The following PSD3 variants were observed in gnomAD, a reference collection of about 807,000 sequenced individuals.
PSD3 encodes the protein PH and SEC7 domain-containing protein 3.
A neutral mutation model predicts 105.5 loss-of-function variants in PSD3; 49 were observed. The observed-to-expected ratio is 0.46, with a 90% CI of 0.37 to 0.59. The LOEUF (loss-of-function observed/expected upper bound fraction) is 0.59, where lower values mean the gene tolerates loss of function less well. PSD3 is among the 20% of genes least tolerant of loss of function. The probability of loss-of-function intolerance (pLI) is 0.00; values close to 1 mark genes in which losing one functional copy is unlikely to be tolerated. For missense variants in PSD3, 1,561 were observed against 1,263.8 expected, an observed-to-expected ratio of 1.24 and a Z score of -3.57; for synonymous variants, 557 against 457.8, an observed-to-expected ratio of 1.22 and a Z score of -2.77.
chr8:18,877,581 G>A (rs373516456), intron 2 of PSD3, among the ~76,000 whole-genome samples: 110 of 140,662 alleles, frequency 7.8e-4, no homozygotes, highest in African/African-American at 2.8e-3. Flanking sequence ...TCACTCTGTC[G>A]CCCTGGCTGG....
At chr8:18,894,462 G>A (rs1036061121) in intron 2 of PSD3, among the ~76,000 whole-genome samples, 3 of 152,148 alleles carry the variant, frequency 2.0e-5, no homozygotes, top group Non-Finnish European at 4.4e-5. Flanking sequence ...TCCGTTGTGT[G>A]AGAAGGAATC....
chr8:18,750,066 T>C (rs1232962945), intron 9 of PSD3, among the ~76,000 whole-genome samples: 1 of 152,188 alleles, frequency 6.6e-6, no homozygotes, highest in Non-Finnish European at 1.5e-5. Context: ...ATCTGTGTTG[T>C]TTCAAGCCAC....
At position 18,962,731 on chromosome 8, in the gene PSD3, A is replaced by C. The variant is rs193139841; in HGVS notation, c.22-26589T>G. On this transcript the variant is annotated intron_variant, in intron 1 of 15. Coordinates refer to ENST00000327040, the MANE Select transcript of PSD3 (RefSeq NM_015310.4). ...TGTTTTAAATCTTTTTTCTTAAAAAAAGAAAGTCATGCATGACTATATACT... is the reference window on the plus strand; with the variant it reads ...TGTTTTAAATCTTTTTTCTTAAAAACAGAAAGTCATGCATGACTATATACT... Among the ~76,000 whole-genome samples, 4 of 152,362 alleles carry C rather than the reference A, an allele frequency of 2.6e-5. No homozygotes were observed. In the East Asian group the frequency reaches 7.7e-4, roughly 29 times the overall value.
intron 9 of PSD3, among the ~76,000 whole-genome samples, chr8:18,743,835 G>T (rs943398352): frequency 2.0e-5 from 3 of 151,376 alleles, no homozygotes; most frequent in African/African-American, 7.3e-5. Context: ...TGCAGTCCCA[G>T]CTACTTTGAG....
intron 12 of PSD3, among the ~76,000 whole-genome samples, chr8:18,581,695 G>C (rs1802829578): frequency 1.3e-5 from 2 of 152,116 alleles, no homozygotes; most frequent in African/African-American, 2.4e-5. Flanking sequence ...TTTTCACCAG[G>C]TGATTTTAAG....
chr8:18,695,400 A>C (rs1319852474), intron 9 of PSD3, among the ~76,000 whole-genome samples: 1 of 152,236 alleles, frequency 6.6e-6, no homozygotes, highest in Non-Finnish European at 1.5e-5. Context: ...AAACCAAACT[A>C]GGTAGTATAT....
In PSD3 at chr8:18,799,502, A is replaced by G. The variant is rs79606369; in HGVS notation, c.2024-149T>C. Reference sequence around the variant, plus strand: ...CTGTTTTAAGAAACAAAAAATGGATAAGAATAATTTATAGAAAGAACCTCA... The same window carrying G: ...CTGTTTTAAGAAACAAAAAATGGATGAGAATAATTTATAGAAAGAACCTCA... On this transcript the variant is annotated intron_variant, in intron 7 of 15. Transcript: ENST00000327040. 7.0e-3 allele frequency: 4,433 copies of G among 630,426 alleles called. 144 individuals are homozygous for G. The highest frequency in any genetic ancestry group is 0.07 in the African/African-American group (3,787 of 54,220). The allele number at this position is 630,426 out of a possible 1,614,324, so 39.1% of individuals were successfully genotyped here.
At chr8:18,823,048 T>C (rs1812874029) in intron 4 of PSD3, among the ~76,000 whole-genome samples, 1 of 147,978 alleles carries the variant, frequency 6.8e-6, no homozygotes, top group African/African-American at 2.5e-5. Flanking sequence ...TAATAGATAA[T>C]ATTAATCTGG....
chr8:18,989,747 C>T (rs993103002), intron 1 of PSD3, among the ~76,000 whole-genome samples: 1 of 152,194 alleles, frequency 6.6e-6, no homozygotes, highest in Non-Finnish European at 1.5e-5. Context: ...CTCTCAAGAG[C>T]CACCCTGCAA....
intron 1 of PSD3, among the ~76,000 whole-genome samples, chr8:19,013,209 C>T (rs371444098): frequency 6.6e-6 from 1 of 151,808 alleles, no homozygotes. Flanking sequence ...CTGACAGAAA[C>T]GTGATAGTCC....
chr8:18,679,615 T>C (rs375177457), intron 9 of PSD3, among the ~76,000 whole-genome samples: 22 of 152,254 alleles, frequency 1.4e-4, no homozygotes, highest in African/African-American at 5.3e-4. Flanking sequence ...AACAAAGATA[T>C]CATTTTGTCA....
intron 4 of PSD3, among the ~76,000 whole-genome samples, chr8:18,826,543 C>G (rs1813199688): frequency 6.6e-6 from 1 of 152,262 alleles, no homozygotes; most frequent in East Asian, 1.9e-4. Context: ...TCCTCAAGAT[C>G]TTTTGTATCT....
intron 9 of PSD3, among the ~76,000 whole-genome samples, chr8:18,663,451 A>G (rs1809503866): frequency 6.6e-6 from 1 of 152,182 alleles, no homozygotes; most frequent in Non-Finnish European, 1.5e-5. Flanking sequence ...AAAAAAAAAA[A>G]AACCGAATAA....
chr8:18,694,417 T>G (rs924471467), intron 9 of PSD3, among the ~76,000 whole-genome samples: 2 of 152,248 alleles, frequency 1.3e-5, no homozygotes, highest in Non-Finnish European at 2.9e-5. Context: ...GAGACCATCC[T>G]GGCTAAGATG....
At position 18,865,267 on chromosome 8, in the gene PSD3, TATATATATATATA is replaced by T. The variant is rs1563360434; in HGVS notation, c.1634+2394_1634+2406del. ...ATATATATATATATATATATATATA[TATATATATATATA>T]TATATATTTTTTTTTTTTTTTTTTT... is the stretch of plus-strand genomic sequence containing the variant. On this transcript the variant is annotated intron_variant, in intron 4 of 15. Coordinates refer to ENST00000327040, the MANE Select transcript of PSD3 (RefSeq NM_015310.4). 8.8e-3 allele frequency: 52 copies of T among 5,880 alleles called. 4 individuals are homozygous for T. The highest frequency in any genetic ancestry group is 0.013 in the Non-Finnish European group (42 of 3,318). The allele number at this position is 5,880 out of a possible 1,614,324, so 0.4% of individuals were successfully genotyped here. A position where few individuals can be genotyped will look rare whatever the true frequency, so the allele number is the denominator to read the frequency against.
chr8:18,762,347 C>T (rs1806609560), intron 9 of PSD3, among the ~76,000 whole-genome samples: 1 of 152,154 alleles, frequency 6.6e-6, no homozygotes, highest in Admixed American at 6.5e-5. Flanking sequence ...TTCCTGAGGC[C>T]TCCCTAGAAG....
intron 11 of PSD3, among the ~76,000 whole-genome samples, chr8:18,620,510 G>A (rs1806037793): frequency 6.6e-6 from 1 of 152,022 alleles, no homozygotes; most frequent in Non-Finnish European, 1.5e-5. Context: ...AGTAGTTTGA[G>A]GCCAGCCTGG....
At chr8:18,852,235 T>G (rs573166692) in intron 4 of PSD3, among the ~76,000 whole-genome samples, 2 of 152,192 alleles carry the variant, frequency 1.3e-5, no homozygotes, top group African/African-American at 4.8e-5. Context: ...AACCATGGAA[T>G]AAAAATATTA....
intron 1 of PSD3, among the ~76,000 whole-genome samples, chr8:19,046,796 G>A (rs1019471039): frequency 1.3e-5 from 2 of 152,208 alleles, no homozygotes; most frequent in African/African-American, 4.8e-5. Context: ...CTGCTGAACA[G>A]TAGTTAATAA....
Sources: gnomAD v4.1 joint callset for allele counts (sites outside exome capture counted in the v4.1 genomes callset) on GRCh38, gnomAD v4.1.1 for gene constraint, MANE v1.5 for transcripts, NCBI Gene and HGNC (gene_info 2026-07-23, HGNC 2026-07-21) for gene names.